PATJ: variants seen among roughly 807,000 people sequenced by gnomAD.
The protein encoded by PATJ is PATJ crumbs cell polarity complex component, also known as inaD-like protein.
A neutral mutation model predicts 224.9 loss-of-function variants in PATJ; 190 were observed. The ratio of observed to expected loss-of-function variants is 0.84; its 90% confidence interval spans 0.75 to 0.95. The LOEUF (loss-of-function observed/expected upper bound fraction) is 0.95, where lower values mean the gene tolerates loss of function less well. Ranked by LOEUF, PATJ falls within the 40% of genes least tolerant of loss-of-function variation. The pLI, the probability that PATJ is intolerant of heterozygous loss-of-function variation, is 0.00. For synonymous variants in PATJ, 769 were observed against 820.3 expected (o/e 0.94, Z 1.07); for missense variants, 2,121 against 2,270.3 (o/e 0.93, Z 1.34).
At chr1:61,942,791 C>T (rs764877146) in intron 27 of PATJ, among the ~76,000 whole-genome samples, 2 of 152,178 alleles carry the variant, frequency 1.3e-5, no homozygotes, top group South Asian at 2.1e-4. Context: ...TCAGGTGATC[C>T]GCCTGCCTCA....
At chr1:61,841,221 A>T (rs1661034219) in intron 17 of PATJ, among the ~76,000 whole-genome samples, 1 of 151,994 alleles carries the variant, frequency 6.6e-6, no homozygotes, top group Non-Finnish European at 1.5e-5. Flanking sequence ...TGTTTATTAG[A>T]GAATTTAGCT....
At chr1:61,956,415 C>T (rs868404166) in intron 27 of PATJ, among the ~76,000 whole-genome samples, 39 of 152,212 alleles carry the variant, frequency 2.6e-4, no homozygotes, top group African/African-American at 4.1e-4. Context: ...GAACCTGCTT[C>T]GGGTTTTCCA....
At chr1:61,803,429 A>G (rs1352182670) in intron 12 of PATJ, among the ~76,000 whole-genome samples, 2 of 152,168 alleles carry the variant, frequency 1.3e-5, no homozygotes, top group African/African-American at 4.8e-5. Flanking sequence ...ACTCCAACAC[A>G]TGCACTACAA....
chr1:61,872,850 T>A (rs748331804), intron 20 of PATJ, among the ~76,000 whole-genome samples: 20 of 152,180 alleles, frequency 1.3e-4, no homozygotes, highest in Non-Finnish European at 2.4e-4. Flanking sequence ...GTCAGTAAAT[T>A]CTCTTTACTA....
intron 26 of PATJ, among the ~76,000 whole-genome samples, chr1:61,927,310 T>A (rs745762582): frequency 6.6e-6 from 1 of 152,220 alleles, no homozygotes; most frequent in East Asian, 1.9e-4. Flanking sequence ...GAAGAAAAAG[T>A]TTAAATCATT....
chr1:62,129,396 G>A (rs1666047286), intron 41 of PATJ, among the ~76,000 whole-genome samples: 1 of 152,222 alleles, frequency 6.6e-6, no homozygotes, highest in Non-Finnish European at 1.5e-5. Flanking sequence ...ACGCGTAGCA[G>A]TCATCAACCA....
In PATJ at chr1:61,899,446, A is replaced by G. The variant is rs1557843690; in HGVS notation, c.3132-137A>G. 7.9e-6 allele frequency: 4 copies of G among 504,906 alleles called. No individual in the cohort carries two copies. In the East Asian group the frequency reaches 9.4e-5, roughly 12 times the overall value. 31.3% of individuals were successfully genotyped at this position (504,906 alleles called of 1,614,324 possible). A position where few individuals can be genotyped will look rare whatever the true frequency, so the allele number is the denominator to read the frequency against. On this transcript the variant is annotated intron_variant, in intron 22 of 43. Coordinates refer to ENST00000642238, the MANE Select transcript of PATJ (RefSeq NM_001350145.3). ...ATATTTTTGCTTTGCATATTTATTG[A>G]TGTAAATATTTTAAAAACTTAAAAA...
chr1:62,121,008 T>G (rs1033329290), intron 37 of PATJ, 173 bp from the exon 38 acceptor site: 1 of 509,222 alleles, frequency 2.0e-6, no homozygotes, highest in Non-Finnish European at 3.5e-6. Flanking sequence ...TGGGATTGGG[T>G]TGAGGTAGTA....
intron 19 of PATJ, among the ~76,000 whole-genome samples, chr1:61,863,209 A>AT (rs1213364846): frequency 6.6e-6 from 1 of 151,426 alleles, no homozygotes; most frequent in Non-Finnish European, 1.5e-5. Context: ...TAATTTTTAA[A>AT]TTTTTTTGTA....
intron 41 of PATJ, 52 bp downstream of exon 41, chr1:62,128,997 A>G (rs79919319): frequency 8.0e-7 from 1 of 1,247,638 alleles, no homozygotes; most frequent in Non-Finnish European, 1.2e-6. Flanking sequence ...AGTGGCATGC[A>G]AAAAAGATTG....
At chr1:62,058,364 T>C (rs1654882027) in intron 31 of PATJ, among the ~76,000 whole-genome samples, 1 of 152,218 alleles carries the variant, frequency 6.6e-6, no homozygotes, top group Non-Finnish European at 1.5e-5. Flanking sequence ...TTGATGCATT[T>C]GATCCTTATA....
chr1:62,103,676 T>A (rs1039031443), intron 33 of PATJ, among the ~76,000 whole-genome samples: 1 of 151,478 alleles, frequency 6.6e-6, no homozygotes, highest in Non-Finnish European at 1.5e-5. Flanking sequence ...ATCACTTGAA[T>A]CTGGGAGGTG....
intron 33 of PATJ, among the ~76,000 whole-genome samples, chr1:62,101,232 C>T (rs1391441485): frequency 1.3e-5 from 2 of 150,246 alleles, no homozygotes; most frequent in Admixed American, 6.6e-5. Context: ...GGAATGGAGA[C>T]GTTAACACAG....
chr1:62,009,997 C>G (rs887081081), intron 28 of PATJ, among the ~76,000 whole-genome samples: 1 of 149,032 alleles, frequency 6.7e-6, no homozygotes, highest in Admixed American at 6.8e-5. Context: ...GCAGGAGAAT[C>G]GCTTGAACCT....
intron 37 of PATJ, 144 bp downstream of exon 37, chr1:62,117,362 G>A (rs1664553184): frequency 7.0e-7 from 1 of 1,427,798 alleles, no homozygotes; most frequent in African/African-American, 1.4e-5. Context: ...TCATGTGTTT[G>A]AAATAAAAAT....
intron 26 of PATJ, among the ~76,000 whole-genome samples, chr1:61,924,048 G>A (rs893528330): frequency 1.3e-5 from 2 of 151,636 alleles, no homozygotes; most frequent in Non-Finnish European, 2.9e-5. Context: ...TTTGCATTAC[G>A]TAGAGTGAAA....
chr1:61,898,966 A>G (rs1180899454), intron 22 of PATJ, among the ~76,000 whole-genome samples: 2 of 151,772 alleles, frequency 1.3e-5, no homozygotes, highest in East Asian at 1.9e-4. Context: ...TTTTTTTTGT[A>G]GAGACAGGGT....
intron 27 of PATJ, among the ~76,000 whole-genome samples, chr1:61,985,804 A>G (rs1403723346): frequency 6.6e-6 from 1 of 151,994 alleles, no homozygotes; most frequent in Non-Finnish European, 1.5e-5. Flanking sequence ...CATGGGGAAA[A>G]CTTCTTTCTT....
intron 36 of PATJ, 59 bp downstream of exon 36, chr1:62,116,738 T>G: frequency 6.6e-7 from 1 of 1,514,854 alleles, no homozygotes; most frequent in Non-Finnish European, 8.9e-7. Flanking sequence ...TGGGAACTGT[T>G]CCAGTCTAGC....
Sources: allele counts gnomAD v4.1 joint callset (sites outside exome capture counted in the v4.1 genomes callset), GRCh38; gene constraint gnomAD v4.1.1; transcripts MANE v1.5; gene names NCBI Gene and HGNC (gene_info 2026-07-23, HGNC 2026-07-21).